The following BICC1 variants were observed in gnomAD, a reference collection of about 807,000 sequenced individuals.
BICC1 encodes protein bicaudal C homolog 1.
Under a neutral mutation model 111.0 loss-of-function variants are expected in BICC1, and 43 were observed. The ratio of observed to expected loss-of-function variants is 0.39; its 90% confidence interval spans 0.30 to 0.50. The LOEUF (loss-of-function observed/expected upper bound fraction) is 0.50, where lower values mean the gene tolerates loss of function less well. Ranked by LOEUF, BICC1 falls within the 20% of genes least tolerant of loss-of-function variation. The probability of loss-of-function intolerance (pLI) is 0.88; values close to 1 mark genes in which losing one functional copy is unlikely to be tolerated. For missense variants in BICC1, 1,091 were observed against 1,203.2 expected, an observed-to-expected ratio of 0.91 and a Z score of 1.38; for synonymous variants, 467 against 434.4, an observed-to-expected ratio of 1.07 and a Z score of -0.93.
At position 58,798,338 on chromosome 10, in the gene BICC1, C is replaced by T. The variant is rs1344701381; in HGVS notation, c.1367-61C>T. 4.7e-5 allele frequency: 60 copies of T among 1,268,864 alleles called. No individual in the cohort carries two copies. In the East Asian group the frequency reaches 1.5e-3, roughly 33 times the overall value. 78.6% of individuals were successfully genotyped at this position (1,268,864 alleles called of 1,614,324 possible). ...TGCATTCCCAATGGCAATATTGGTG[C>T]CATCTCTATTTTAAAATCTTAAATT... is the stretch of plus-strand genomic sequence containing the variant. On this transcript the variant is annotated intron_variant, in intron 10 of 20. Transcript: ENST00000373886.
intron 3 of BICC1, among the ~76,000 whole-genome samples, chr10:58,726,776 T>C (rs1295929303): frequency 6.6e-6 from 1 of 152,236 alleles, no homozygotes. Flanking sequence ...CTTAAAAATA[T>C]ATCTGTTACT....
intron 3 of BICC1, among the ~76,000 whole-genome samples, chr10:58,732,767 G>A (rs887150556): frequency 7.9e-5 from 12 of 152,080 alleles, no homozygotes; most frequent in African/African-American, 2.9e-4. Context: ...GTGCAACAGA[G>A]TGAGACCTTG....
intron 1 of BICC1, among the ~76,000 whole-genome samples, chr10:58,587,785 A>G (rs1589121926): frequency 6.6e-6 from 1 of 152,232 alleles, no homozygotes; most frequent in South Asian, 2.1e-4. Context: ...AGCTCCATTT[A>G]TTCTGACTTT....
chr10:58,540,170 A>G (rs138613708), intron 1 of BICC1, among the ~76,000 whole-genome samples: 2 of 151,944 alleles, frequency 1.3e-5, no homozygotes, highest in East Asian at 3.9e-4. Context: ...TATTAAGAAA[A>G]TCTCCAATCA....
At chr10:58,550,089 C>T (rs1843255637) in intron 1 of BICC1, among the ~76,000 whole-genome samples, 3 of 152,076 alleles carry the variant, frequency 2.0e-5, no homozygotes, top group Admixed American at 6.6e-5. Context: ...GATCATGGCT[C>T]AAAGCAGCCT....
At chr10:58,605,389 T>G (rs573416878) in intron 1 of BICC1, among the ~76,000 whole-genome samples, 1 of 152,368 alleles carries the variant, frequency 6.6e-6, no homozygotes, top group African/African-American at 2.4e-5. Context: ...ATTCATTACC[T>G]TTAGCCATTG....
rs139721493 is a variant in BICC1, at chr10:58,793,279, C to T, written c.1048-205C>T. Among the ~76,000 whole-genome samples, 2,224 of 152,244 alleles carry T rather than the reference C, an allele frequency of 0.015. 33 individuals are homozygous for T. The highest frequency in any genetic ancestry group is 0.024 in the Non-Finnish European group (1,637 of 67,994). Reference sequence around the variant, plus strand: ...AACAGAAACTTAAGACATATAATTTCGTCATCCAAAAATGGTTTTCTCCCC... The same window carrying T: ...AACAGAAACTTAAGACATATAATTTTGTCATCCAAAAATGGTTTTCTCCCC... On this transcript the variant is annotated intron_variant, in intron 8 of 20. Transcript: ENST00000373886.
At chr10:58,617,878 A>G (rs1845669059) in intron 1 of BICC1, among the ~76,000 whole-genome samples, 2 of 152,224 alleles carry the variant, frequency 1.3e-5, no homozygotes, top group Non-Finnish European at 2.9e-5. Context: ...CAGTGCTCCT[A>G]AAGGCAGGGA....
chr10:58,790,997 C>T (rs941872769), intron 8 of BICC1, among the ~76,000 whole-genome samples: 1 of 152,144 alleles, frequency 6.6e-6, no homozygotes, highest in African/African-American at 2.4e-5. Flanking sequence ...CTATTATTAA[C>T]TTGCAGAGTT....
intron 3 of BICC1, among the ~76,000 whole-genome samples, chr10:58,771,559 A>G (rs1842623312): frequency 6.6e-6 from 1 of 152,150 alleles, no homozygotes; most frequent in South Asian, 2.1e-4. Flanking sequence ...GGGGCCTGAC[A>G]AAACATGACA....
At chr10:58,782,846 G>A (rs1842916884) in intron 3 of BICC1, among the ~76,000 whole-genome samples, 1 of 152,150 alleles carries the variant, frequency 6.6e-6, no homozygotes, top group Non-Finnish European at 1.5e-5. Flanking sequence ...TATTATGGAT[G>A]AAATAAGAAT....
Position 58,609,604 on chromosome 10 carries a change from A to T in BICC1, c.191-11251A>T, listed in dbSNP as rs1020047280. 2.6e-5 allele frequency among the ~76,000 whole-genome samples: 4 copies of T among 152,232 alleles called. No homozygotes were observed. In the East Asian group the frequency reaches 7.7e-4, roughly 29 times the overall value. ...AACATCATTTCAACATGTAATCAAA[A>T]CATTATTAAGATTTTTTACATTCTT... On this transcript the variant is annotated intron_variant, in intron 1 of 20. Transcript: ENST00000373886.
chr10:58,733,400 A>C lies in BICC1; in HGVS notation c.307+31257A>C, dbSNP rs1433936634. 2.6e-5 allele frequency among the ~76,000 whole-genome samples: 4 copies of C among 152,236 alleles called. No homozygotes were observed. In the South Asian group the frequency reaches 6.2e-4, roughly 24 times the overall value. Reference sequence around the variant, plus strand: ...GTAAAAAAAGTATTCCTCTCTTACTATTCCCTGTTGCCTTACTTGGGTATA... The same window carrying C: ...GTAAAAAAAGTATTCCTCTCTTACTCTTCCCTGTTGCCTTACTTGGGTATA... On this transcript the variant is annotated intron_variant, in intron 3 of 20. Transcript: ENST00000373886.
At chr10:58,519,542 C>T (rs1842335718) in intron 1 of BICC1, among the ~76,000 whole-genome samples, 1 of 152,134 alleles carries the variant, frequency 6.6e-6, no homozygotes, top group African/African-American at 2.4e-5. Context: ...TTGGACTGTG[C>T]TGATAATCTG....
chr10:58,739,883 C>T (rs1841600080), intron 3 of BICC1, among the ~76,000 whole-genome samples: 2 of 152,106 alleles, frequency 1.3e-5, no homozygotes, highest in Admixed American at 6.6e-5. Context: ...AAGAAGGTTG[C>T]CCCTTTGAAT....
intron 1 of BICC1, among the ~76,000 whole-genome samples, chr10:58,551,064 C>T (rs1440403932): frequency 6.6e-6 from 1 of 152,158 alleles, no homozygotes; most frequent in Non-Finnish European, 1.5e-5. Context: ...CAACCTCTTT[C>T]TGACATATGA....
chr10:58,533,324 A>G lies in BICC1; in HGVS notation c.190+19991A>G, dbSNP rs59983863. On this transcript the variant is annotated intron_variant, in intron 1 of 20. Coordinates refer to ENST00000373886, the MANE Select transcript of BICC1 (RefSeq NM_001080512.3). The stretch of plus-strand genomic sequence containing the variant: ...TTAAAAACATCTTTAAAGGGTATCC[A>G]TTTTTCTTCACTTAATAATGTAAAA... 3.4e-3 allele frequency among the ~76,000 whole-genome samples: 523 copies of G among 151,864 alleles called. 3 individuals carry two copies. Among genetic ancestry groups the G allele is most frequent in the African/African-American group, 0.012 (497 of 41,494 alleles).
chr10:58,714,060 A>G (rs1840659479), intron 3 of BICC1, among the ~76,000 whole-genome samples: 1 of 152,196 alleles, frequency 6.6e-6, no homozygotes, highest in African/African-American at 2.4e-5. Context: ...GCTGCTAAAC[A>G]TCCTACCCTG....
chr10:58,624,944 C>T (rs1006943687), intron 2 of BICC1, among the ~76,000 whole-genome samples: 24 of 152,104 alleles, frequency 1.6e-4, no homozygotes, highest in African/African-American at 5.6e-4. Flanking sequence ...GGTCTTTTTT[C>T]TGTGTATATT....
Sources: gnomAD v4.1 joint callset for allele counts (sites outside exome capture counted in the v4.1 genomes callset) on GRCh38, gnomAD v4.1.1 for gene constraint, MANE v1.5 for transcripts, NCBI Gene and HGNC (gene_info 2026-07-23, HGNC 2026-07-21) for gene names.